Variants in TRADD observed in about 807,000 individuals in gnomAD.
The protein encoded by TRADD is tumor necrosis factor receptor type 1-associated DEATH domain protein.
Under a neutral mutation model 31.5 loss-of-function variants are expected in TRADD, and 14 were observed. That is an observed-to-expected ratio of 0.44 (90% CI 0.29 to 0.69). The LOEUF (loss-of-function observed/expected upper bound fraction) is 0.69. Among genes scored for constraint, TRADD ranks in the 30% least tolerant of loss-of-function variants. The pLI, the probability that TRADD is intolerant of heterozygous loss-of-function variation, is 0.11. For missense variants in TRADD, 388 were observed against 435.7 expected (o/e 0.89, Z 0.97); for synonymous variants, 220 against 215.8 (o/e 1.02, Z -0.17).
In TRADD at chr16:67,154,644, C is replaced by G. The variant is rs768758148; in HGVS notation, c.*5G>C. On this transcript the variant is annotated 3_prime_UTR_variant, in exon 5 of 5. Coordinates refer to ENST00000345057, the MANE Select transcript of TRADD (RefSeq NM_003789.4). This position sits in a 1 kb window ranked among gnomAD's most constrained non-coding sequence, Gnocchi z 5.2. ...GGTTCTCCAAAAGCTGGCTGCACCC[C>G]TGGTCTAGGCCAGGCCGCCATTGGG... 3.4e-5 allele frequency: 55 copies of G among 1,611,746 alleles called. No individual in the cohort carries two copies. Among genetic ancestry groups the G allele is most frequent in the Non-Finnish European group, 4.5e-5 (53 of 1,179,684 alleles).
At position 67,159,248 on chromosome 16, in the gene TRADD, G is replaced by A. The variant is rs1476063708; in HGVS notation, c.-9+590C>T. Among the ~76,000 whole-genome samples, 1 of 152,236 alleles carries A rather than the reference G, an allele frequency of 6.6e-6. No homozygotes were observed. The highest frequency in any genetic ancestry group is 1.5e-5 in the Non-Finnish European group (1 of 68,042). On this transcript the variant is annotated intron_variant, in intron 1 of 4. Transcript: ENST00000345057. This position sits in a 1 kb window ranked among gnomAD's most constrained non-coding sequence, Gnocchi z 6.8. Reference sequence around the variant, plus strand: ...GGGTCCTGAGAAAGTTTGGTGGCCGGAGACTGTGGGGCGCTTAGGTACCGA... The same window carrying A: ...GGGTCCTGAGAAAGTTTGGTGGCCGAAGACTGTGGGGCGCTTAGGTACCGA...
intron 2 of TRADD, 46 bp from the exon 3 acceptor site, chr16:67,155,700 C>A: frequency 6.6e-7 from 1 of 1,525,250 alleles, no homozygotes; most frequent in South Asian, 1.2e-5. Context: ...CAAGCTCGGC[C>A]GTTCTCCAAA....
chr16:67,156,611 A>AGTG lies in TRADD; in HGVS notation c.49_50insCAC (p.Tyr16_Leu17insPro). The AGTG allele has an allele frequency of 2.5e-6, 4 of 1,614,088 alleles. No homozygotes were observed. Among genetic ancestry groups the AGTG allele is most frequent in the Non-Finnish European group, 3.4e-6 (4 of 1,180,020 alleles). ...CTTGTCCAGCGAGGACTCCACAAAC[A>AGTG]GGTATGCGCTGCCCACCCACTCTTC... On this transcript the variant is annotated inframe_insertion, in exon 2 of 5. Coordinates refer to ENST00000345057, the MANE Select transcript of TRADD (RefSeq NM_003789.4). This position sits in a 1 kb window ranked among gnomAD's most constrained non-coding sequence, Gnocchi z 4.6.
At chr16:67,155,051 A>G in intron 4 of TRADD, 45 bp downstream of exon 4, 1 of 618,036 alleles carries the variant, frequency 1.6e-6, no homozygotes, top group Non-Finnish European at 2.4e-6. Context: ...GCCCCTCCCC[A>G]GACTCCAACC....
Position 67,154,709 on chromosome 16 carries a change from C to G in TRADD, c.879G>C (p.Glu293Asp), listed in dbSNP as rs1370802435. ...GCAAGTCCTCTGCCAGGCTGGTGAGCTCGTTCTCCTCGAGTGCCTCCACCA... is the reference window on the plus strand; with the variant it reads ...GCAAGTCCTCTGCCAGGCTGGTGAGGTCGTTCTCCTCGAGTGCCTCCACCA... The part of the protein sequence containing the change: ...QRLVEALEEN[E>D]LTSLAEDLLG... Residue 293 changes from glutamate to aspartate, a missense_variant, in exon 5 of 5, where the codon GAG (glutamate) becomes GAC (aspartate). Coordinates refer to ENST00000345057, the MANE Select transcript of TRADD (RefSeq NM_003789.4). The surrounding 1 kb of genome is among the most constrained non-coding windows in gnomAD (Gnocchi z 5.2). 6.2e-7 allele frequency: 1 copy of G among 1,612,694 alleles called. No homozygotes were observed. Among genetic ancestry groups the G allele is most frequent in the Middle Eastern group, 1.6e-4 (1 of 6,062 alleles).
Position 67,154,594 on chromosome 16 carries a change from G to T in TRADD, c.*55C>A, listed in dbSNP as rs1208592960. ...GATGGACAGGGGTTCAGCAATAGCC[G>T]CAGAAGGAACCCTAAGGCCATCCAG... On this transcript the variant is annotated 3_prime_UTR_variant, in exon 5 of 5. Coordinates refer to ENST00000345057, the MANE Select transcript of TRADD (RefSeq NM_003789.4). This position sits in a 1 kb window ranked among gnomAD's most constrained non-coding sequence, Gnocchi z 5.2. 1.3e-5 allele frequency: 20 copies of T among 1,576,688 alleles called. No individual in the cohort carries two copies. Among genetic ancestry groups the T allele is most frequent in the African/African-American group, 6.7e-5 (5 of 74,130 alleles).
At chr16:67,157,916 C>T (rs1020212464) in intron 1 of TRADD, among the ~76,000 whole-genome samples, 6 of 152,172 alleles carry the variant, frequency 3.9e-5, no homozygotes, top group Admixed American at 1.3e-4. Context: ...CACCCTTTTC[C>T]TACCCACCCT....
At chr16:67,157,768 G>C (rs909641372) in intron 1 of TRADD, among the ~76,000 whole-genome samples, 1 of 152,112 alleles carries the variant, frequency 6.6e-6, no homozygotes, top group East Asian at 1.9e-4. Context: ...TCCATCTTCT[G>C]ACAAAAACCT....
Position 67,155,178 on chromosome 16 carries a change from G to T in TRADD, c.546C>A (p.Pro182=). 6.4e-7 allele frequency: 1 copy of T among 1,565,112 alleles called. No individual in the cohort carries two copies. The highest frequency in any genetic ancestry group is 2.4e-5 in the East Asian group (1 of 41,860). The part of the protein sequence containing the change: ...DGEVASAPLQ[P]PVPSLSEVKP... ...TCACCTCCGACAGAGAGGGCACCGGGGGCTGCAAGGGGGCCGAAGCGACCT... is the reference window on the plus strand; with the variant it reads ...TCACCTCCGACAGAGAGGGCACCGGTGGCTGCAAGGGGGCCGAAGCGACCT... The change falls in exon 4 of 5, where the codon CCC becomes CCA. Residue 182 remains proline (P), a synonymous_variant. Transcript: ENST00000345057.
rs751301174 is a variant in TRADD at position 67,155,133 on chromosome 16, TGGCGGC to T, written c.585_590del (p.Pro197_Pro198del). On this transcript the variant is annotated inframe_deletion, in exon 4 of 5. Transcript: ENST00000345057. ...CCTGGAACAGAAAAGTCTGGGCAGGTGGCGGCGGCGGCGGCGGCTTCACCTCCGACA... is the reference window on the plus strand; with the variant it reads ...CCTGGAACAGAAAAGTCTGGGCAGGTGGCGGCGGCGGCTTCACCTCCGACA... 14 of 1,544,870 alleles carry T rather than the reference TGGCGGC, an allele frequency of 9.1e-6. No individual in the cohort carries two copies. In the Admixed American group the frequency reaches 1.4e-4, roughly 15 times the overall value.
At position 67,155,169 on chromosome 16, in the gene TRADD, G is replaced by A. The variant is rs1567662421; in HGVS notation, c.555C>T (p.Pro185=). The change falls in exon 4 of 5, where the codon CCC becomes CCT. Residue 185 remains proline, a synonymous_variant. Transcript: ENST00000345057. ...GCGGCGGCTTCACCTCCGACAGAGA[G>A]GGCACCGGGGGCTGCAAGGGGGCCG... is the stretch of plus-strand genomic sequence containing the variant. ...VASAPLQPPV[P]SLSEVKPPPP... 3 of 1,559,150 alleles carry A rather than the reference G, an allele frequency of 1.9e-6. No individual in the cohort carries two copies. The highest frequency in any genetic ancestry group is 4.8e-5 in the East Asian group (2 of 41,600).
At position 67,154,352 on chromosome 16, in the gene TRADD, G is replaced by A; in HGVS notation, c.*297C>T. 1 of 538,738 alleles carries A rather than the reference G, an allele frequency of 1.9e-6. No homozygotes were observed. Among genetic ancestry groups the A allele is most frequent in the South Asian group, 2.1e-5 (1 of 47,812 alleles). The allele number at this position is 538,738 out of a possible 1,614,324, so 33.4% of individuals were successfully genotyped here. On this transcript the variant is annotated 3_prime_UTR_variant, in exon 5 of 5. Transcript: ENST00000345057. This position sits in a 1 kb window ranked among gnomAD's most constrained non-coding sequence, Gnocchi z 5.2. ...GACACCAAAGATCAAGGTGCTTCAT[G>A]AGTGAAACTGTAAGGGCTGGCTGTA...
rs777783273 is a variant in TRADD at position 67,154,707 on chromosome 16, A to G, written c.881T>C (p.Leu294Pro). ...RLVEALEENELTSLAEDLLGL... is the reference protein window; with the variant it reads ...RLVEALEENEPTSLAEDLLGL... ...CAGCAAGTCCTCTGCCAGGCTGGTG[A>G]GCTCGTTCTCCTCGAGTGCCTCCAC... The change falls in exon 5 of 5, where the codon CTC becomes CCC. Residue 294 changes from leucine to proline, a missense_variant. By Grantham distance (98) the Leu-to-Pro change is moderately conservative. Transcript: ENST00000345057. The surrounding 1 kb of genome is among the most constrained non-coding windows in gnomAD (Gnocchi z 5.2). The G allele has an allele frequency of 6.2e-7, 1 of 1,612,770 alleles. No homozygotes were observed. Among genetic ancestry groups the G allele is most frequent in the East Asian group, 2.2e-5 (1 of 44,880 alleles).
At position 67,156,026 on chromosome 16, in the gene TRADD, C is replaced by T; in HGVS notation, c.152-372G>A. 1 of 1,374,288 alleles carries T rather than the reference C, an allele frequency of 7.3e-7. No individual in the cohort carries two copies. Among genetic ancestry groups the T allele is most frequent in the Non-Finnish European group, 9.6e-7 (1 of 1,045,232 alleles). 85.1% of individuals were successfully genotyped at this position (1,374,288 alleles called of 1,614,324 possible). ...CAGAGGAGGGCGAGAGGTCTCAGGT[C>T]TTCGGCCTCCACCAAGCGCGACTCC... On this transcript the variant is annotated intron_variant, in intron 2 of 4. Coordinates refer to ENST00000345057, the MANE Select transcript of TRADD (RefSeq NM_003789.4). The surrounding 1 kb of genome is among the most constrained non-coding windows in gnomAD (Gnocchi z 4.6).
chr16:67,154,417 C>A lies in TRADD; in HGVS notation c.*232G>T. 1 of 606,026 alleles carries A rather than the reference C, an allele frequency of 1.7e-6. No homozygotes were observed. Among genetic ancestry groups the A allele is most frequent in the Admixed American group, 2.9e-5 (1 of 34,146 alleles). 37.5% of individuals were successfully genotyped at this position (606,026 alleles called of 1,614,324 possible). On this transcript the variant is annotated 3_prime_UTR_variant, in exon 5 of 5. Coordinates refer to ENST00000345057, the MANE Select transcript of TRADD (RefSeq NM_003789.4). This position sits in a 1 kb window ranked among gnomAD's most constrained non-coding sequence, Gnocchi z 5.2. Reference sequence around the variant, plus strand: ...GATGGGAGAAGGTGAGGCTGATCTCCAAAGCAGGTCCCCCCCACCCCACAC... The same window carrying A: ...GATGGGAGAAGGTGAGGCTGATCTCAAAAGCAGGTCCCCCCCACCCCACAC...
At position 67,154,953 on chromosome 16, in the gene TRADD, C is replaced by G; in HGVS notation, c.635G>C (p.Arg212Pro). The change falls in exon 5 of 5, where the codon CGG (arginine) becomes CCG (proline). Residue 212 changes from arginine to proline, a missense_variant. By Grantham distance (103) the Arg-to-Pro change is moderately radical. Coordinates refer to ENST00000345057, the MANE Select transcript of TRADD (RefSeq NM_003789.4). This position sits in a 1 kb window ranked among gnomAD's most constrained non-coding sequence, Gnocchi z 5.2. ...CTGTTGGTCCTTCAGGCTCAGCGGC[C>G]GATTCACTGCAGAGGGAGTGGGGAA... ...FLFQGQPVVN[R>P]PLSLKDQQTF... is the part of the protein sequence containing the mutation. The G allele has an allele frequency of 6.2e-7, 1 of 1,609,128 alleles. No individual in the cohort carries two copies.
rs2030573276 is a variant in TRADD, at chr16:67,154,404, T to C, written c.*245A>G. ...GCCCCGCTTCTGGGATGGGAGAAGG[T>C]GAGGCTGATCTCCAAAGCAGGTCCC... On this transcript the variant is annotated 3_prime_UTR_variant, in exon 5 of 5. Transcript: ENST00000345057. This position sits in a 1 kb window ranked among gnomAD's most constrained non-coding sequence, Gnocchi z 5.2. The C allele has an allele frequency of 1.7e-6, 1 of 590,404 alleles. No homozygotes were observed. Among genetic ancestry groups the C allele is most frequent in the African/African-American group, 1.9e-5 (1 of 53,520 alleles). 36.6% of individuals were successfully genotyped at this position (590,404 alleles called of 1,614,324 possible).
Position 67,155,501 on chromosome 16 carries a change from C to T in TRADD, c.305G>A (p.Ser102Asn). The T allele has an allele frequency of 6.4e-7, 1 of 1,550,850 alleles. No individual in the cohort carries two copies. Among genetic ancestry groups the T allele is most frequent in the Non-Finnish European group, 8.7e-7 (1 of 1,155,054 alleles). Residue 102 changes from serine to asparagine, a missense_variant, in exon 3 of 5, where the codon AGC (serine) becomes AAC (asparagine). By Grantham distance (46) the Ser-to-Asn change is conservative. Coordinates refer to ENST00000345057, the MANE Select transcript of TRADD (RefSeq NM_003789.4). ...GTGCTGGGCGAGCGCGGCCGCCAGG[C>T]TCCTCTGCAGCGCGGCGCGCAGCGC... ...EGALRAALQR[S>N]LAAALAQHSV...
rs751301174 is a variant in TRADD at position 67,155,133 on chromosome 16, TGGCGGCGGC to T, written c.582_590del (p.Pro196_Pro198del). ...CCTGGAACAGAAAAGTCTGGGCAGG[TGGCGGCGGC>T]GGCGGCGGCTTCACCTCCGACAGAG... is the stretch of plus-strand genomic sequence containing the variant. On this transcript the variant is annotated inframe_deletion, in exon 4 of 5. Coordinates refer to ENST00000345057, the MANE Select transcript of TRADD (RefSeq NM_003789.4). 1 of 1,544,872 alleles carries T rather than the reference TGGCGGCGGC, an allele frequency of 6.5e-7. No individual in the cohort carries two copies. Among genetic ancestry groups the T allele is most frequent in the Non-Finnish European group, 8.7e-7 (1 of 1,148,494 alleles).
Sources: gnomAD v4.1 joint callset for allele counts (sites outside exome capture counted in the v4.1 genomes callset) on GRCh38, gnomAD v4.1.1 for gene constraint, Gnocchi (gnomAD v3.1) non-coding constraint, MANE v1.5 for transcripts, NCBI Gene and HGNC (gene_info 2026-07-23, HGNC 2026-07-21) for gene names.